PCDHA7: variants seen among roughly 807,000 people sequenced by gnomAD.
The protein encoded by PCDHA7 is protocadherin alpha-7.
Under a neutral mutation model 57.2 loss-of-function variants are expected in PCDHA7, and 37 were observed. That is an observed-to-expected ratio of 0.65 (90% CI 0.50 to 0.85). The LOEUF (loss-of-function observed/expected upper bound fraction) is 0.85. PCDHA7 is among the 40% of genes least tolerant of loss of function. The probability of loss-of-function intolerance (pLI) is 0.00; values close to 1 mark genes in which losing one functional copy is unlikely to be tolerated. For missense variants in PCDHA7, 1,188 were observed against 1,241.8 expected, an observed-to-expected ratio of 0.96 and a Z score of 0.65; for synonymous variants, 553 against 558.8, an observed-to-expected ratio of 0.99 and a Z score of 0.15.
intron 1 of PCDHA7, chr5:140,927,627 T>G (rs145171269): frequency 6.2e-7 from 1 of 1,614,180 alleles, no homozygotes; most frequent in Non-Finnish European, 8.5e-7. Context: ...TTCCAGAGAC[T>G]GCACCCAATG....
chr5:140,931,649 G>A (rs2087653878), intron 1 of PCDHA7, among the ~76,000 whole-genome samples: 1 of 151,904 alleles, frequency 6.6e-6, no homozygotes, highest in African/African-American at 2.4e-5. Context: ...GCTAATAATT[G>A]TTGTGGGCTG....
intron 1 of PCDHA7, chr5:140,884,155 C>G: frequency 6.2e-7 from 1 of 1,613,430 alleles, no homozygotes; most frequent in Non-Finnish European, 8.5e-7. Context: ...TGTACACTGG[C>G]GAGATCAGCA....
intron 1 of PCDHA7, among the ~76,000 whole-genome samples, chr5:140,919,543 T>C (rs2079190617): frequency 6.6e-6 from 1 of 152,200 alleles, no homozygotes; most frequent in Non-Finnish European, 1.5e-5. Context: ...ATACTTTTCA[T>C]TTACTGATTT....
In PCDHA7 at chr5:140,901,962, G is replaced by A. The variant is rs148280805; in HGVS notation, c.2355+65224G>A. The stretch of plus-strand genomic sequence containing the variant: ...ATATTTAGTTTTATTCGTGGCTATC[G>A]TAAATGGGATTACTTTTTAATTTCA... On this transcript the variant is annotated intron_variant, in intron 1 of 3. Coordinates refer to ENST00000525929, the MANE Select transcript of PCDHA7 (RefSeq NM_018910.3). Among the ~76,000 whole-genome samples, 1,226 of 152,004 alleles carry A rather than the reference G, an allele frequency of 8.1e-3. 6 individuals carry two copies. The highest frequency in any genetic ancestry group is 0.019 in the African/African-American group (785 of 41,468).
At chr5:140,862,382 G>A (rs1213049114) in intron 1 of PCDHA7, 1 of 345,048 alleles carries the variant, frequency 2.9e-6, no homozygotes, top group East Asian at 7.5e-5. Context: ...GACTCCTCAC[G>A]TCTCTTCAAG....
intron 1 of PCDHA7, chr5:140,849,385 C>T: frequency 1.3e-6 from 2 of 1,527,726 alleles, no homozygotes; most frequent in South Asian, 2.3e-5. Context: ...CACATGGACC[C>T]CTTAAGTGGG....
intron 3 of PCDHA7, among the ~76,000 whole-genome samples, chr5:141,003,283 G>A (rs1331116001): frequency 3.3e-5 from 5 of 152,188 alleles, no homozygotes; most frequent in African/African-American, 1.2e-4. Flanking sequence ...GCCCAAATTG[G>A]ATTATAGGAT....
Position 140,875,563 on chromosome 5 carries a change from C to T in PCDHA7, c.2355+38825C>T, listed in dbSNP as rs1554167760. The T allele has an allele frequency of 3.1e-6, 5 of 1,614,014 alleles. No homozygotes were observed. The Admixed American group carries it at 8.3e-5, about 27-fold the overall frequency. ...AGCCTGGGAGGTGGGGAGCGGCCAG[C>T]TCCACTACTCCGTCTACGAGGAGGC... On this transcript the variant is annotated intron_variant, in intron 1 of 3. Transcript: ENST00000525929.
intron 1 of PCDHA7, chr5:140,883,801 C>T (rs782690228): frequency 4.3e-6 from 7 of 1,612,430 alleles, no homozygotes; most frequent in Non-Finnish European, 5.9e-6. Context: ...TGTCGGTGCA[C>T]GCGGAGAGCG....
intron 1 of PCDHA7, chr5:140,884,080 T>C (rs2059984285): frequency 6.2e-7 from 1 of 1,613,538 alleles, no homozygotes; most frequent in Non-Finnish European, 8.5e-7. Flanking sequence ...CGGGCTACAA[T>C]GCGTGGCTTT....
At chr5:140,907,882 G>A (rs895415928) in intron 1 of PCDHA7, among the ~76,000 whole-genome samples, 1 of 152,168 alleles carries the variant, frequency 6.6e-6, no homozygotes, top group African/African-American at 2.4e-5. Flanking sequence ...GCACTCACAT[G>A]GGATACAAAT....
At chr5:140,836,800 A>C (rs1774751613) in intron 1 of PCDHA7, 62 bp downstream of exon 1, 1 of 1,349,242 alleles carries the variant, frequency 7.4e-7, no homozygotes, top group Non-Finnish European at 1.0e-6. Flanking sequence ...TGGTCTCCTT[A>C]AATTTTCTTT....
Position 140,927,102 on chromosome 5 carries a change from A to G in PCDHA7, c.2356-51847A>G, listed in dbSNP as rs144696843. 1.4e-5 allele frequency: 23 copies of G among 1,613,520 alleles called. No individual in the cohort carries two copies. In the African/African-American group the frequency reaches 1.7e-4, roughly 12 times the overall value. ...GCGAGCTCTACTTCGGGGTGGATCTACCCAGCGGCAATTTGGTGGTCAGAG... is the reference window on the plus strand; with the variant it reads ...GCGAGCTCTACTTCGGGGTGGATCTGCCCAGCGGCAATTTGGTGGTCAGAG... On this transcript the variant is annotated intron_variant, in intron 1 of 3. Transcript: ENST00000525929.
At chr5:140,875,875 G>T in intron 1 of PCDHA7, 1 of 1,614,232 alleles carries the variant, frequency 6.2e-7, no homozygotes, top group South Asian at 1.1e-5. Flanking sequence ...GGTGTTCAGA[G>T]AAAGGGAACA....
At chr5:140,875,423 G>A in intron 1 of PCDHA7, 2 of 1,524,996 alleles carry the variant, frequency 1.3e-6, no homozygotes, top group Non-Finnish European at 1.8e-6. Flanking sequence ...CCTCAGGCAA[G>A]CGATCCCTTA....
chr5:140,963,221 T>C (rs2095749324), intron 1 of PCDHA7, among the ~76,000 whole-genome samples: 1 of 151,808 alleles, frequency 6.6e-6, no homozygotes, highest in Admixed American at 6.6e-5. Context: ...GTGTTTAGAG[T>C]AGACACTGTT....
At chr5:140,859,867 T>C (rs1265494119) in intron 1 of PCDHA7, 1 of 152,016 alleles carries the variant, frequency 6.6e-6, no homozygotes, top group Non-Finnish European at 1.5e-5. Flanking sequence ...AATATATACT[T>C]CCCCCTCTGA....
intron 1 of PCDHA7, chr5:140,862,517 T>C (rs962060354): frequency 3.9e-5 from 16 of 410,600 alleles, no homozygotes; most frequent in African/African-American, 2.9e-4. Flanking sequence ...GCTTTCATTG[T>C]TGGCCACAGC....
intron 3 of PCDHA7, among the ~76,000 whole-genome samples, chr5:140,989,205 C>G (rs750885432): frequency 6.6e-6 from 1 of 152,192 alleles, no homozygotes; most frequent in Admixed American, 6.5e-5. Flanking sequence ...TTCTAGCTTT[C>G]TTTATACACC....
Sources: gnomAD v4.1 joint callset for allele counts (sites outside exome capture counted in the v4.1 genomes callset) on GRCh38, gnomAD v4.1.1 for gene constraint, MANE v1.5 for transcripts, NCBI Gene and HGNC (gene_info 2026-07-23, HGNC 2026-07-21) for gene names.